The following NTRK1 variants were observed in gnomAD, a reference collection of about 807,000 sequenced individuals.
NTRK1 encodes neurotrophic receptor tyrosine kinase 1.
In NTRK1, 62 loss-of-function variants were observed where a neutral mutation model predicts 86.8. The ratio of observed to expected loss-of-function variants is 0.71; its 90% confidence interval spans 0.58 to 0.88. The LOEUF (loss-of-function observed/expected upper bound fraction) is 0.88. NTRK1 is among the 40% of genes least tolerant of loss of function. The pLI, the probability that NTRK1 is intolerant of heterozygous loss-of-function variation, is 0.00. For missense variants in NTRK1, 967 were observed against 1,078.4 expected (o/e 0.90, Z 1.45); for synonymous variants, 469 against 456.6 (o/e 1.03, Z -0.35).
upstream of NTRK1, among the ~76,000 whole-genome samples, chr1:156,856,222 G>T (rs1480783755): frequency 6.6e-6 from 1 of 152,104 alleles, no homozygotes; most frequent in Non-Finnish European, 1.5e-5. Flanking sequence ...AGGGATATTT[G>T]TATAATTCAT....
At chr1:156,850,530 C>CTTTTTTTTTTTTTTT (rs1558089282) in intron 2 of NTRK1, among the ~76,000 whole-genome samples, 1 of 107,150 alleles carries the variant, frequency 9.3e-6, no homozygotes, top group African/African-American at 3.9e-5. Context: ...TAATTTAAAA[C>CTTTTTTTTTTTTTTT]ATTCTTTTTT....
rs1648273519 is a variant in NTRK1 at position 156,881,647 on chromosome 1, C to A, written c.*5C>A. ...TACCTGGATGTCCTGGGCTAGGGGG[C>A]CGGCCCAGGGGCTGGGAGTGGTTAG... On this transcript the variant is annotated 3_prime_UTR_variant, in exon 17 of 17. Coordinates refer to ENST00000524377, the MANE Select transcript of NTRK1 (RefSeq NM_002529.4). 6.3e-7 allele frequency: 1 copy of A among 1,599,376 alleles called. No individual in the cohort carries two copies. Among genetic ancestry groups the A allele is most frequent in the Non-Finnish European group, 8.5e-7 (1 of 1,173,870 alleles).
chr1:156,825,802 C>T (rs539005704), intron 1 of NTRK1, among the ~76,000 whole-genome samples: 25 of 152,224 alleles, frequency 1.6e-4, no homozygotes, highest in African/African-American at 4.8e-4. Context: ...AGAGATATGC[C>T]GTCATGTCCA....
At chr1:156,833,323 G>A (rs989585264) in intron 1 of NTRK1, among the ~76,000 whole-genome samples, 6 of 152,192 alleles carry the variant, frequency 3.9e-5, no homozygotes, top group Admixed American at 3.3e-4. Flanking sequence ...TTGGGAGGCC[G>A]AGGCGGGCAG....
intron 2 of NTRK1, chr1:156,852,206 G>A (rs972878496): frequency 6.3e-7 from 1 of 1,575,018 alleles, no homozygotes; most frequent in Non-Finnish European, 8.6e-7. Flanking sequence ...GGGGAGAGTG[G>A]TGTGTTAGAC....
chr1:156,840,779 T>G (rs1468345124), intron 1 of NTRK1: 54 of 937,578 alleles, frequency 5.8e-5, no homozygotes, highest in Non-Finnish European at 8.2e-5. Flanking sequence ...TTGCCCTGAG[T>G]TGGGGTGGGG....
In NTRK1 at chr1:156,864,446, T is replaced by C. The variant is rs766917983; in HGVS notation, c.287+18T>C. Reference sequence around the variant, plus strand: ...AGAAACCTGTGAGGGAAACGGGGACTGTGGGTGTGGAGCTCAGCATGGGCC... The same window carrying C: ...AGAAACCTGTGAGGGAAACGGGGACCGTGGGTGTGGAGCTCAGCATGGGCC... On this transcript the variant is annotated intron_variant, in intron 2 of 16. Coordinates refer to ENST00000524377, the MANE Select transcript of NTRK1 (RefSeq NM_002529.4). The C allele has an allele frequency of 6.2e-7, 1 of 1,612,306 alleles. No homozygotes were observed. Among genetic ancestry groups the C allele is most frequent in the Non-Finnish European group, 8.5e-7 (1 of 1,178,510 alleles).
intron 7 of NTRK1, 139 bp from the exon 8 acceptor site, chr1:156,873,494 A>G: frequency 1.5e-6 from 1 of 680,832 alleles, no homozygotes; most frequent in Non-Finnish European, 2.6e-6. Flanking sequence ...TGAATTTCCC[A>G]GGGCCTGCTG....
chr1:156,865,074 C>T, intron 3 of NTRK1: 2 of 509,700 alleles, frequency 3.9e-6, no homozygotes, highest in Non-Finnish European at 7.2e-6. Flanking sequence ...CTTCCCAGGG[C>T]TCAGATACAC....
At position 156,866,784 on chromosome 1, in the gene NTRK1, G is replaced by T. The variant is rs995934760; in HGVS notation, c.360-126G>T. 118 of 1,009,624 alleles carry T rather than the reference G, an allele frequency of 1.2e-4. 1 individual carries two copies. In the East Asian group the frequency reaches 2.8e-3, roughly 24 times the overall value. 62.5% of individuals were successfully genotyped at this position (1,009,624 alleles called of 1,614,324 possible). A position where few individuals can be genotyped will look rare whatever the true frequency, so the allele number is the denominator to read the frequency against. On this transcript the variant is annotated intron_variant, in intron 3 of 16. Coordinates refer to ENST00000524377, the MANE Select transcript of NTRK1 (RefSeq NM_002529.4). Reference sequence around the variant, plus strand: ...ACACTGCCTTCCAGGGCTGGTTCTGGTTGCCTAGGCCGGGGCGGGGGAGCC... The same window carrying T: ...ACACTGCCTTCCAGGGCTGGTTCTGTTTGCCTAGGCCGGGGCGGGGGAGCC...
In NTRK1 at chr1:156,866,944, T is replaced by C. The variant is rs778056858; in HGVS notation, c.394T>C (p.Trp132Arg). 2.8e-5 allele frequency: 45 copies of C among 1,614,066 alleles called. No homozygotes were observed. The highest frequency in any genetic ancestry group is 3.6e-5 in the Non-Finnish European group (43 of 1,180,014). Residue 132 changes from tryptophan to arginine, a missense_variant, in exon 4 of 17, where the codon TGG becomes CGG. Physicochemically the swap from Trp to Arg is moderately radical, Grantham distance 101. Around this residue, in one of 2 missense-constraint regions of NTRK1, gnomAD observed 330 missense variants for 302.0 expected, o/e 1.09. Coordinates refer to ENST00000524377, the MANE Select transcript of NTRK1 (RefSeq NM_002529.4). ...LSFNALESLS[W>R]KTVQGLSLQE... The stretch of plus-strand genomic sequence containing the variant: ...CTTCAACGCTCTGGAGTCTCTCTCC[T>C]GGAAAACTGTGCAGGGCCTCTCCTT...
At chr1:156,864,198 T>C (rs1655817477) in intron 1 of NTRK1, among the ~76,000 whole-genome samples, 156 bp from the exon 2 acceptor site, 1 of 151,140 alleles carries the variant, frequency 6.6e-6, no homozygotes, top group Non-Finnish European at 1.5e-5. Context: ...TATGCATTTG[T>C]GTGTGCACGC....
At chr1:156,864,292 G>C (rs1039413489) in intron 1 of NTRK1, 62 bp from the exon 2 acceptor site, 4 of 1,519,684 alleles carry the variant, frequency 2.6e-6, no homozygotes, top group African/African-American at 2.7e-5. Flanking sequence ...GGAGTAAGTG[G>C]GTGGGCATGG....
At chr1:156,852,289 C>A (rs1571670802) in intron 2 of NTRK1, 1 of 1,186,940 alleles carries the variant, frequency 8.4e-7, no homozygotes, top group South Asian at 1.6e-5. Flanking sequence ...GGATGACACT[C>A]AATCTGCACC....
intron 16 of NTRK1, among the ~76,000 whole-genome samples, chr1:156,880,784 C>A (rs1648214741): frequency 6.6e-6 from 1 of 152,190 alleles, no homozygotes; most frequent in South Asian, 2.1e-4. Flanking sequence ...TAGTGCCGCC[C>A]ATAACCCAAG....
chr1:156,846,012 C>T (rs573068016), intron 2 of NTRK1: 2 of 1,614,094 alleles, frequency 1.2e-6, no homozygotes, highest in East Asian at 4.5e-5. Flanking sequence ...TGCCACAGCA[C>T]CAGGTAGTAG....
chr1:156,825,227 G>C (rs116129519), intron 1 of NTRK1, among the ~76,000 whole-genome samples: 2,248 of 152,220 alleles, frequency 0.015, 58 homozygotes, highest in African/African-American at 0.051. Flanking sequence ...CACTTGAATT[G>C]GCTGCTTGAA....
At chr1:156,820,639 C>T (rs1654159511) in intron 1 of NTRK1, among the ~76,000 whole-genome samples, 1 of 152,242 alleles carries the variant, frequency 6.6e-6, no homozygotes, top group Non-Finnish European at 1.5e-5. Flanking sequence ...TTCCATTGGT[C>T]TACATGCCTA....
Position 156,861,080 on chromosome 1 carries a change from G to T in NTRK1, c.146G>T (p.Arg49Leu). 6.3e-7 allele frequency: 1 copy of T among 1,577,834 alleles called. No individual in the cohort carries two copies. Residue 49 changes from arginine (R) to leucine (L), a missense_variant, in exon 1 of 17, where the codon CGA (arginine) becomes CTA (leucine). This residue lies in a region of NTRK1 where 330 missense variants were observed against 302.0 expected (regional missense o/e 1.09). Transcript: ENST00000524377. ...ACCPHGSSGL[R>L]CTRDGALDSL... ...TGCCCCCACGGCTCCTCGGGACTGC[G>T]ATGCACCCGGGATGGGGCCCTGGAT... is the stretch of plus-strand genomic sequence containing the variant.
Sources: allele counts gnomAD v4.1 joint callset (sites outside exome capture counted in the v4.1 genomes callset), GRCh38; gene constraint gnomAD v4.1.1; regional missense constraint gnomAD v4.1.1; transcripts MANE v1.5; gene names NCBI Gene and HGNC (gene_info 2026-07-23, HGNC 2026-07-21).